PPIL1: variants seen among roughly 807,000 people sequenced by gnomAD.
The protein encoded by PPIL1 is peptidyl-prolyl cis-trans isomerase-like 1.
A neutral mutation model predicts 19.4 loss-of-function variants in PPIL1; 14 were observed. The observed-to-expected ratio is 0.72, with a 90% CI of 0.48 to 1.13. The LOEUF (loss-of-function observed/expected upper bound fraction) is 1.13, where lower values mean the gene tolerates loss of function less well. PPIL1 is among the 50% of genes most tolerant of loss of function. PPIL1 has a pLI of 0.00. For synonymous variants in PPIL1, 72 were observed against 73.6 expected, an observed-to-expected ratio of 0.98 and a Z score of 0.11; for missense variants, 192 against 218.0, an observed-to-expected ratio of 0.88 and a Z score of 0.75.
In PPIL1 at chr6:36,855,591, G is replaced by T; in HGVS notation, c.*222C>A. On this transcript the variant is annotated 3_prime_UTR_variant, in exon 4 of 4. Transcript: ENST00000373699. ...TAAGTAGTCACCTATTGATAAACAG[G>T]GGCATTTGTGCAAATGCTCTGGCAA... 1 of 567,960 alleles carries T rather than the reference G, an allele frequency of 1.8e-6. No homozygotes were observed. The highest frequency in any genetic ancestry group is 3.2e-6 in the Non-Finnish European group (1 of 317,356). The allele number at this position is 567,960 out of a possible 1,614,324, so 35.2% of individuals were successfully genotyped here.
intron 2 of PPIL1, among the ~76,000 whole-genome samples, chr6:36,869,309 T>G (rs1305140061): frequency 1.3e-5 from 2 of 152,118 alleles, no homozygotes; most frequent in Non-Finnish European, 2.9e-5. Flanking sequence ...AAAAAGTAAT[T>G]TATCTCTTAC....
At position 36,855,666 on chromosome 6, in the gene PPIL1, C is replaced by T; in HGVS notation, c.*147G>A. 6 of 738,592 alleles carry T rather than the reference C, an allele frequency of 8.1e-6. No homozygotes were observed. Among genetic ancestry groups the T allele is most frequent in the Non-Finnish European group, 1.3e-5 (6 of 448,942 alleles). The allele number at this position is 738,592 out of a possible 1,614,324, so 45.8% of individuals were successfully genotyped here. A position where few individuals can be genotyped will look rare whatever the true frequency, so the allele number is the denominator to read the frequency against. On this transcript the variant is annotated 3_prime_UTR_variant, in exon 4 of 4. Coordinates refer to ENST00000373699, the MANE Select transcript of PPIL1 (RefSeq NM_016059.5). ...GAAGCATCCTATTAAAATGTACTTC[C>T]ATCTCTAACTCACCCAAGATGCCAG...
chr6:36,861,908 C>A (rs1399831823), intron 2 of PPIL1, among the ~76,000 whole-genome samples: 19 of 152,144 alleles, frequency 1.2e-4, no homozygotes, highest in Admixed American at 1.2e-3. Context: ...GTCGGTCAGG[C>A]TGGCCTCAAA....
intron 2 of PPIL1, among the ~76,000 whole-genome samples, chr6:36,857,817 G>A (rs1294205316): frequency 6.6e-6 from 1 of 152,086 alleles, no homozygotes; most frequent in Non-Finnish European, 1.5e-5. Flanking sequence ...GAAGAAACAT[G>A]GGATTGGGAA....
chr6:36,868,786 T>G (rs1400073401), intron 2 of PPIL1, among the ~76,000 whole-genome samples: 2 of 152,056 alleles, frequency 1.3e-5, no homozygotes, highest in Non-Finnish European at 2.9e-5. Flanking sequence ...CAGTGAGCCA[T>G]GATTGTATCA....
At chr6:36,856,421 G>A (rs1561844354) in intron 3 of PPIL1, among the ~76,000 whole-genome samples, 165 bp downstream of exon 3, 2 of 152,230 alleles carry the variant, frequency 1.3e-5, no homozygotes, top group South Asian at 4.1e-4. Context: ...AGAACTTTGT[G>A]AGAGGCGCTG....
chr6:36,870,239 C>G (rs546351393), intron 2 of PPIL1, among the ~76,000 whole-genome samples: 5 of 152,222 alleles, frequency 3.3e-5, no homozygotes, highest in African/African-American at 1.2e-4. Flanking sequence ...GGCAAACGAG[C>G]AGAAATTAGC....
chr6:36,856,907 T>C (rs190735317), intron 2 of PPIL1, among the ~76,000 whole-genome samples: 67 of 152,312 alleles, frequency 4.4e-4, no homozygotes, highest in Non-Finnish European at 4.1e-4. Context: ...TAATACATGT[T>C]CACTATCAAA....
In PPIL1 at chr6:36,874,762, A is replaced by C. The variant is rs1351530535; in HGVS notation, c.11T>G (p.Ile4Ser). The C allele has an allele frequency of 6.2e-7, 1 of 1,614,084 alleles. No individual in the cohort carries two copies. MAA[I>S]PPDSWQPPNV... ...GGGTGGCTGCCAGGAATCTGGGGGA[A>C]TTGCCGCCATAGCGAAGCCGGCGGC... Residue 4 changes from isoleucine (I) to serine (S), a missense_variant, in exon 1 of 4, where the codon ATT (isoleucine) becomes AGT (serine). By Grantham distance (142) the Ile-to-Ser change is moderately radical. Transcript: ENST00000373699.
Position 36,874,764 on chromosome 6 carries a change from T to C in PPIL1, c.9A>G (p.Ala3=). The C allele has an allele frequency of 1.2e-6, 2 of 1,614,110 alleles. No homozygotes were observed. The highest frequency in any genetic ancestry group is 1.7e-6 in the Non-Finnish European group (2 of 1,179,956). Reference sequence around the variant, plus strand: ...GTGGCTGCCAGGAATCTGGGGGAATTGCCGCCATAGCGAAGCCGGCGGCGG... The same window carrying C: ...GTGGCTGCCAGGAATCTGGGGGAATCGCCGCCATAGCGAAGCCGGCGGCGG... MA[A]IPPDSWQPPN... Residue 3 remains alanine, a synonymous_variant, in exon 1 of 4, where the codon GCA becomes GCG. Coordinates refer to ENST00000373699, the MANE Select transcript of PPIL1 (RefSeq NM_016059.5).
intron 1 of PPIL1, among the ~76,000 whole-genome samples, chr6:36,873,606 T>C (rs1452858340): frequency 6.6e-6 from 1 of 152,232 alleles, no homozygotes; most frequent in Admixed American, 6.5e-5. Flanking sequence ...ATTTATTTTG[T>C]AACTTTAAAA....
At chr6:36,861,042 C>T (rs949798001) in intron 2 of PPIL1, among the ~76,000 whole-genome samples, 3 of 151,836 alleles carry the variant, frequency 2.0e-5, no homozygotes, top group African/African-American at 7.3e-5. Flanking sequence ...TGGTTATTAT[C>T]GACCATGCTA....
At chr6:36,867,509 G>A (rs1461283439) in intron 2 of PPIL1, among the ~76,000 whole-genome samples, 1 of 152,260 alleles carries the variant, frequency 6.6e-6, no homozygotes, top group African/African-American at 2.4e-5. Flanking sequence ...ATTCTGAACA[G>A]CCAACAGGGG....
chr6:36,860,094 G>C (rs1248957234), intron 2 of PPIL1, among the ~76,000 whole-genome samples: 1 of 151,844 alleles, frequency 6.6e-6, no homozygotes, highest in Non-Finnish European at 1.5e-5. Flanking sequence ...CAAAGTGCTG[G>C]GATTACAGGT....
In PPIL1 at chr6:36,873,700, G is replaced by A. The variant is rs140813486; in HGVS notation, c.56+1017C>T. On this transcript the variant is annotated intron_variant, in intron 1 of 3. Coordinates refer to ENST00000373699, the MANE Select transcript of PPIL1 (RefSeq NM_016059.5). ...CATATAAGGTGGGGAAGATGGCCAG[G>A]GAGCATGAAATGAACAGCATGAGCA... Among the ~76,000 whole-genome samples the A allele has an allele frequency of 3.6e-3, 547 of 152,256 alleles. 2 individuals are homozygous for A. The highest frequency in any genetic ancestry group is 0.012 in the African/African-American group (510 of 41,546).
chr6:36,858,736 T>G (rs1172773151), intron 2 of PPIL1: 1 of 152,214 alleles, frequency 6.6e-6, no homozygotes, highest in Admixed American at 6.5e-5. Flanking sequence ...CACACTAAAC[T>G]GTGTAAAACT....
At chr6:36,860,018 G>A (rs1033269163) in intron 2 of PPIL1, among the ~76,000 whole-genome samples, 1 of 152,034 alleles carries the variant, frequency 6.6e-6, no homozygotes, top group Admixed American at 6.5e-5. Flanking sequence ...TAGTAGAGAT[G>A]GGGTTTCACC....
chr6:36,868,005 C>T (rs995790784), intron 2 of PPIL1, among the ~76,000 whole-genome samples: 1 of 151,962 alleles, frequency 6.6e-6, no homozygotes, highest in African/African-American at 2.4e-5. Flanking sequence ...GGCAAACATA[C>T]CACAACCAAC....
intron 2 of PPIL1, among the ~76,000 whole-genome samples, chr6:36,866,666 C>T (rs1774399205): frequency 6.6e-6 from 1 of 152,158 alleles, no homozygotes. Context: ...ACACCTGAGT[C>T]ACTTCCAATA....
Sources: gnomAD v4.1 joint callset for allele counts (sites outside exome capture counted in the v4.1 genomes callset) on GRCh38, gnomAD v4.1.1 for gene constraint, MANE v1.5 for transcripts, NCBI Gene and HGNC (gene_info 2026-07-23, HGNC 2026-07-21) for gene names.